Variants in TRAPPC9 observed in about 807,000 individuals in gnomAD.
TRAPPC9 encodes the protein IKK2 binding protein.
In TRAPPC9, 83 loss-of-function variants were observed where a neutral mutation model predicts 124.0. That is an observed-to-expected ratio of 0.67 (90% CI 0.56 to 0.80). The LOEUF (loss-of-function observed/expected upper bound fraction) is 0.80. Ranked by LOEUF, TRAPPC9 falls within the 30% of genes least tolerant of loss-of-function variation. The probability of loss-of-function intolerance (pLI) is 0.00; values close to 1 mark genes in which losing one functional copy is unlikely to be tolerated. For missense variants in TRAPPC9, 1,302 were observed against 1,508.3 expected (o/e 0.86, Z 2.27); for synonymous variants, 638 against 617.5 (o/e 1.03, Z -0.49).
chr8:139,808,729 T>C (rs1400587388), intron 21 of TRAPPC9, among the ~76,000 whole-genome samples: 2 of 152,336 alleles, frequency 1.3e-5, no homozygotes, highest in East Asian at 1.9e-4. Context: ...GCCTTTTGTG[T>C]CTGGCTTCTT....
chr8:140,435,082 A>G (rs747427213), intron 4 of TRAPPC9, 30 bp downstream of exon 4: 1 of 1,614,128 alleles, frequency 6.2e-7, no homozygotes, highest in South Asian at 1.1e-5. Context: ...ACTGCAAGTG[A>G]GCAGAGGCCG....
intron 17 of TRAPPC9, among the ~76,000 whole-genome samples, chr8:140,124,559 C>T (rs542374421): frequency 0.011 from 1,175 of 110,804 alleles, 15 homozygotes; most frequent in African/African-American, 0.048. Context: ...ACGTGGACAT[C>T]TTTGGGCGGG....
At chr8:140,187,039 T>C (rs2062368177) in intron 17 of TRAPPC9, among the ~76,000 whole-genome samples, 1 of 152,196 alleles carries the variant, frequency 6.6e-6, no homozygotes, top group Non-Finnish European at 1.5e-5. Context: ...GCGTATCCCT[T>C]TTCCCAAGTG....
intron 10 of TRAPPC9, among the ~76,000 whole-genome samples, chr8:140,301,021 C>G (rs549059192): frequency 9.9e-5 from 15 of 152,280 alleles, no homozygotes; most frequent in Admixed American, 9.8e-4. Flanking sequence ...CCCCATGGAC[C>G]CATGGGGAGG....
chr8:140,354,426 G>A (rs941848561), intron 9 of TRAPPC9, among the ~76,000 whole-genome samples: 3 of 152,206 alleles, frequency 2.0e-5, no homozygotes, highest in Non-Finnish European at 2.9e-5. Context: ...ACATCATCTT[G>A]TAAAAAATGA....
At chr8:140,312,010 AG>A (rs1441965621) in intron 9 of TRAPPC9, among the ~76,000 whole-genome samples, 1 of 152,218 alleles carries the variant, frequency 6.6e-6, no homozygotes, top group Non-Finnish European at 1.5e-5. Flanking sequence ...GACAGAGCTC[AG>A]GAGCACCTGC....
chr8:140,024,595 C>G (rs1198691948), intron 17 of TRAPPC9, among the ~76,000 whole-genome samples: 1 of 152,030 alleles, frequency 6.6e-6, no homozygotes. Flanking sequence ...TGGGATTTCA[C>G]CATGTTGGCC....
At chr8:139,903,068 C>T (rs2131231929) in intron 20 of TRAPPC9, among the ~76,000 whole-genome samples, 1 of 152,156 alleles carries the variant, frequency 6.6e-6, no homozygotes, top group East Asian at 1.9e-4. Flanking sequence ...AGCCTGAGAC[C>T]CAAGCTGTGC....
intron 21 of TRAPPC9, among the ~76,000 whole-genome samples, chr8:139,867,796 G>A (rs969459703): frequency 1.3e-5 from 2 of 152,204 alleles, no homozygotes; most frequent in Non-Finnish European, 2.9e-5. Context: ...AAAGATGGAC[G>A]AACTGTTCCA....
intron 20 of TRAPPC9, among the ~76,000 whole-genome samples, chr8:139,890,344 G>A (rs1830260191): frequency 1.3e-5 from 2 of 152,220 alleles, no homozygotes; most frequent in South Asian, 2.1e-4. Context: ...CCAGGCCCAG[G>A]GACATTTGCA....
intron 15 of TRAPPC9, among the ~76,000 whole-genome samples, chr8:140,273,184 G>A (rs1257631116): frequency 4.6e-5 from 7 of 152,154 alleles, no homozygotes; most frequent in Admixed American, 4.6e-4. Context: ...CCGCTCCTGG[G>A]TACTTCCTCT....
intron 19 of TRAPPC9, among the ~76,000 whole-genome samples, chr8:139,971,762 C>CAT (rs1836099697): frequency 7.3e-6 from 1 of 137,602 alleles, no homozygotes; most frequent in Non-Finnish European, 1.6e-5. Context: ...CACACACACA[C>CAT]ACATATATAT....
At chr8:140,033,688 T>TTTTTTTTTG (rs1840691448) in intron 17 of TRAPPC9, among the ~76,000 whole-genome samples, 1 of 115,080 alleles carries the variant, frequency 8.7e-6, no homozygotes, top group Admixed American at 8.5e-5. Context: ...TTTTTTTTTT[T>TTTTTTTTTG]TTTTTTTTTT....
At chr8:140,024,408 T>C (rs1444925711) in intron 17 of TRAPPC9, among the ~76,000 whole-genome samples, 2 of 151,898 alleles carry the variant, frequency 1.3e-5, no homozygotes, top group Non-Finnish European at 2.9e-5. Context: ...TTTCTTTTTT[T>C]TTTTTTTGGA....
At chr8:139,894,327 C>G (rs1334687671) in intron 20 of TRAPPC9, among the ~76,000 whole-genome samples, 2 of 152,216 alleles carry the variant, frequency 1.3e-5, no homozygotes, top group Admixed American at 1.3e-4. Flanking sequence ...ATGCCAACCC[C>G]CAACGAGACC....
chr8:139,994,793 C>T (rs1157715373), intron 18 of TRAPPC9, among the ~76,000 whole-genome samples: 1 of 151,938 alleles, frequency 6.6e-6, no homozygotes, highest in Non-Finnish European at 1.5e-5. Flanking sequence ...GGACAGCTTT[C>T]CAGAGAGAAT....
At chr8:139,887,821 AGT>A (rs2131131790) in intron 20 of TRAPPC9, among the ~76,000 whole-genome samples, 1 of 152,348 alleles carries the variant, frequency 6.6e-6, no homozygotes, top group South Asian at 2.1e-4. Flanking sequence ...GGCCTAGAAC[AGT>A]GTTTGGTTCA....
At chr8:140,425,929 C>T (rs78331822) in intron 5 of TRAPPC9, among the ~76,000 whole-genome samples, 2,278 of 152,286 alleles carry the variant, frequency 0.015, 23 homozygotes, top group South Asian at 0.025. Flanking sequence ...CCAACGCCTG[C>T]AAACCTGGGG....
intron 21 of TRAPPC9, among the ~76,000 whole-genome samples, chr8:139,781,485 C>T (rs1359190330): frequency 6.6e-6 from 1 of 152,168 alleles, no homozygotes; most frequent in Admixed American, 6.5e-5. Flanking sequence ...GAAGGATAAA[C>T]AGGCAGAGAA....
Sources: gnomAD v4.1 joint callset for allele counts (sites outside exome capture counted in the v4.1 genomes callset) on GRCh38, gnomAD v4.1.1 for gene constraint, MANE v1.5 for transcripts, NCBI Gene and HGNC (gene_info 2026-07-23, HGNC 2026-07-21) for gene names.